Variants in TBL1X observed in about 807,000 individuals in gnomAD.
The protein encoded by TBL1X is F-box-like/WD repeat-containing protein TBL1X.
A neutral mutation model predicts 50.7 loss-of-function variants in TBL1X; 10 were observed. That is an observed-to-expected ratio of 0.20 (90% CI 0.12 to 0.33). The LOEUF (loss-of-function observed/expected upper bound fraction) is 0.33, where lower values mean the gene tolerates loss of function less well. TBL1X is among the 10% of genes least tolerant of loss of function. The pLI is 1.00. For missense variants in TBL1X, 340 were observed against 504.4 expected (o/e 0.67, Z 3.12); for synonymous variants, 190 against 214.7 (o/e 0.88, Z 1.01).
intron 2 of TBL1X, among the ~76,000 whole-genome samples, chrX:9,573,256 A>C (rs948820629): frequency 2.4e-4 from 27 of 112,266 alleles, no homozygotes; most frequent in Non-Finnish European, 4.7e-4. Context: ...TTTTGCTAAA[A>C]GCCTTCCTAT....
chrX:9,519,680 C>G (rs1283350597), intron 2 of TBL1X, among the ~76,000 whole-genome samples: 1 of 111,664 alleles, frequency 9.0e-6, no homozygotes, highest in African/African-American at 3.3e-5. Context: ...GCGCTGGTGT[C>G]TTTGGGAAGC....
At chrX:9,502,187 G>T (rs1405603839) in intron 2 of TBL1X, among the ~76,000 whole-genome samples, 1 of 112,963 alleles carries the variant, frequency 8.9e-6, no homozygotes, top group East Asian at 2.8e-4. Context: ...ACTTGGATAC[G>T]TGGAGTAAAA....
At chrX:9,622,277 C>G (rs2082671147) in intron 2 of TBL1X, among the ~76,000 whole-genome samples, 1 of 110,879 alleles carries the variant, frequency 9.0e-6, no homozygotes, top group Non-Finnish European at 1.9e-5. Context: ...TCTTCCTGCA[C>G]TGATTCTCCA....
chrX:9,702,427 G>C (rs1180187231), intron 12 of TBL1X, among the ~76,000 whole-genome samples: 1 of 97,282 alleles, frequency 1.0e-5, no homozygotes, highest in Non-Finnish European at 2.0e-5. Context: ...GGGTGACAGA[G>C]TGAGATCCTG....
chrX:9,668,373 GA>G (rs749335254), intron 5 of TBL1X, among the ~76,000 whole-genome samples: 2,766 of 90,334 alleles, frequency 0.031, 54 homozygotes, highest in African/African-American at 0.079. Flanking sequence ...ATTGGAATAG[GA>G]AAAAAAAAAA....
chrX:9,514,735 ACAGTTACCTAGCCTTG>A (rs2082073382), intron 2 of TBL1X, among the ~76,000 whole-genome samples: 1 of 78,877 alleles, frequency 1.3e-5, no homozygotes, highest in Admixed American at 1.8e-4. Flanking sequence ...TTGGTGCAAC[ACAGTTACCTAGCCTTG>A]GAGCCCTTAC....
At chrX:9,634,680 C>T (rs914006816) in intron 2 of TBL1X, among the ~76,000 whole-genome samples, 7 of 110,767 alleles carry the variant, frequency 6.3e-5, no homozygotes, top group African/African-American at 2.3e-4. Context: ...TTATGTAACC[C>T]GGTGTTGCCA....
intron 2 of TBL1X, among the ~76,000 whole-genome samples, chrX:9,545,862 C>T (rs1378287872): frequency 9.0e-6 from 1 of 111,728 alleles, no homozygotes; most frequent in Non-Finnish European, 1.9e-5. Flanking sequence ...TATTTTACGT[C>T]TCTTTAGTCT....
chrX:9,674,883 A>G (rs1356635076), intron 5 of TBL1X, among the ~76,000 whole-genome samples: 1 of 111,432 alleles, frequency 9.0e-6, no homozygotes, highest in Non-Finnish European at 1.9e-5. Flanking sequence ...CCCAGTGCCA[A>G]TCTTAGTTCT....
intron 2 of TBL1X, among the ~76,000 whole-genome samples, chrX:9,568,368 G>A (rs1387411707): frequency 1.9e-5 from 2 of 107,654 alleles, no homozygotes; most frequent in East Asian, 5.9e-4. Context: ...CGTGCTGTGC[G>A]GCATGCTGTG....
rs1479600137 is a variant in TBL1X at position 9,677,893 on chromosome X, G to A, written c.212-6150G>A. On this transcript the variant is annotated intron_variant, in intron 5 of 17. Coordinates refer to ENST00000645353, the MANE Select transcript of TBL1X (RefSeq NM_005647.4). ...ATCATTGAATTCCACCTGTCCATGG[G>A]TCAGAAAAGGGAGCTGGGGAAACTG... is the stretch of plus-strand genomic sequence containing the variant. 1.8e-5 allele frequency among the ~76,000 whole-genome samples: 2 copies of A among 111,871 alleles called. 1 individual carries two copies. Among genetic ancestry groups the A allele is most frequent in the South Asian group, 7.5e-4 (2 of 2,673 alleles).
At chrX:9,602,198 A>G (rs1444788631) in intron 2 of TBL1X, among the ~76,000 whole-genome samples, 2 of 112,031 alleles carry the variant, frequency 1.8e-5, no homozygotes, top group East Asian at 5.5e-4. Flanking sequence ...GCGATATTCT[A>G]TGCTATGTAC....
rs180955656 is a variant in TBL1X at position 9,624,462 on chromosome X, A to G, written c.-130-15811A>G. On this transcript the variant is annotated intron_variant, in intron 2 of 17. Transcript: ENST00000645353. ...ACACCCAACTCTACTGTAGGTGCCT[A>G]TATAATTTACATTTAACCTATTATT... Among the ~76,000 whole-genome samples, 283 of 112,326 alleles carry G rather than the reference A, an allele frequency of 2.5e-3. 1 individual carries two copies. The highest frequency in any genetic ancestry group is 8.6e-3 in the African/African-American group (265 of 30,950).
chrX:9,581,334 C>T (rs1236965142), intron 2 of TBL1X, among the ~76,000 whole-genome samples: 1 of 111,738 alleles, frequency 8.9e-6, no homozygotes, highest in African/African-American at 3.3e-5. Flanking sequence ...GTTTGTTTTA[C>T]CATTTGTTGT....
chrX:9,635,445 C>G (rs1473799499), intron 2 of TBL1X, among the ~76,000 whole-genome samples: 1 of 110,237 alleles, frequency 9.1e-6, no homozygotes, highest in Non-Finnish European at 1.9e-5. Flanking sequence ...AAACTTGGCT[C>G]CAAGCAGAAA....
At chrX:9,610,278 A>G (rs1264277646) in intron 2 of TBL1X, among the ~76,000 whole-genome samples, 2 of 112,544 alleles carry the variant, frequency 1.8e-5, no homozygotes, top group Non-Finnish European at 3.7e-5. Context: ...TGGTGTGCTG[A>G]TCAAAAGACT....
At position 9,542,202 on chromosome X, in the gene TBL1X, C is replaced by T. The variant is rs182296634; in HGVS notation, c.-131+40353C>T. On this transcript the variant is annotated intron_variant, in intron 2 of 17. Coordinates refer to ENST00000645353, the MANE Select transcript of TBL1X (RefSeq NM_005647.4). Reference sequence around the variant, plus strand: ...GACTTGATAAGTGATAAAAATTCTACGGAAGAATTTTCCATGGACTGGCTT... The same window carrying T: ...GACTTGATAAGTGATAAAAATTCTATGGAAGAATTTTCCATGGACTGGCTT... Among the ~76,000 whole-genome samples the T allele has an allele frequency of 3.6e-4, 40 of 111,508 alleles. 1 individual carries two copies. In the East Asian group the frequency reaches 0.01, roughly 29 times the overall value.
intron 2 of TBL1X, among the ~76,000 whole-genome samples, chrX:9,531,352 A>AGGGG (rs757530571): frequency 3.1e-5 from 1 of 32,437 alleles, no homozygotes; most frequent in African/African-American, 8.5e-5. Flanking sequence ...AAGAACCTGG[A>AGGGG]GGGTGTGTGT....
chrX:9,674,315 A>G (rs2082977820), intron 5 of TBL1X, among the ~76,000 whole-genome samples: 2 of 110,424 alleles, frequency 1.8e-5, no homozygotes, highest in African/African-American at 6.6e-5. Context: ...GCTGGAATGC[A>G]GTGGCATGAT....
Sources: gnomAD v4.1 joint callset for allele counts (sites outside exome capture counted in the v4.1 genomes callset) on GRCh38, gnomAD v4.1.1 for gene constraint, MANE v1.5 for transcripts, NCBI Gene and HGNC (gene_info 2026-07-23, HGNC 2026-07-21) for gene names.